Variants in FBXO11 observed in about 807,000 individuals in gnomAD.
FBXO11 encodes F-box only protein 11.
Under a neutral mutation model 117.0 loss-of-function variants are expected in FBXO11, and 13 were observed. The ratio of observed to expected loss-of-function variants is 0.11; its 90% CI spans 0.07 to 0.18. FBXO11 has a LOEUF of 0.18. Ranked by LOEUF, FBXO11 falls within the 10% of genes least tolerant of loss-of-function variation. The pLI, the probability that FBXO11 is intolerant of heterozygous loss-of-function variation, is 1.00. For missense variants in FBXO11, 767 were observed against 1,164.4 expected, an observed-to-expected ratio of 0.66 and a Z score of 4.97; for synonymous variants, 490 against 380.5, an observed-to-expected ratio of 1.29 and a Z score of -3.35.
intron 16 of FBXO11, 131 bp downstream of exon 16, chr2:47,818,648 A>C: frequency 1.5e-6 from 1 of 658,904 alleles, no homozygotes; most frequent in East Asian, 2.7e-5. Flanking sequence ...AGTCAAGATT[A>C]TTTTAAGAAT....
intron 1 of FBXO11, among the ~76,000 whole-genome samples, chr2:47,884,862 C>T (rs1409459977): frequency 6.6e-6 from 1 of 150,494 alleles, no homozygotes; most frequent in Non-Finnish European, 1.5e-5. Context: ...ATTCAGTAAA[C>T]AGAAGTTTAC....
chr2:47,828,977 T>G (rs543263254), intron 11 of FBXO11, among the ~76,000 whole-genome samples: 2 of 148,070 alleles, frequency 1.4e-5, no homozygotes, highest in East Asian at 2.0e-4. Context: ...TGCAGTGGCA[T>G]GATCTTGGGT....
In FBXO11 at chr2:47,832,951, T is replaced by C. The variant is rs1572806802; in HGVS notation, c.1041+13A>G. 3 of 1,606,500 alleles carry C rather than the reference T, an allele frequency of 1.9e-6. No homozygotes were observed. Among genetic ancestry groups the C allele is most frequent in the East Asian group, 4.5e-5 (2 of 44,808 alleles). On this transcript the variant is annotated intron_variant, in intron 8 of 22. Coordinates refer to ENST00000403359, the MANE Select transcript of FBXO11 (RefSeq NM_001190274.2). Reference sequence around the variant, plus strand: ...TGATTTCAATGTGTATTTTAAATCTTAACATGTCTTACCCTTATTGTCATA... The same window carrying C: ...TGATTTCAATGTGTATTTTAAATCTCAACATGTCTTACCCTTATTGTCATA...
rs375409737 is a variant in FBXO11 at position 47,894,080 on chromosome 2, C to T, written c.232+11409G>A. On this transcript the variant is annotated intron_variant, in intron 1 of 22. Transcript: ENST00000403359. ...CAAGTAGTTCCTGATGAACAGAGCC[C>T]TGTCATTCTCAGGGGATACTTGTAT... is the stretch of plus-strand genomic sequence containing the variant. 4.5e-4 allele frequency among the ~76,000 whole-genome samples: 69 copies of T among 152,276 alleles called. 1 individual carries two copies. In the East Asian group the frequency reaches 0.012, roughly 27 times the overall value.
chr2:47,820,885 T>A (rs1005303393), intron 13 of FBXO11, among the ~76,000 whole-genome samples: 4 of 152,224 alleles, frequency 2.6e-5, no homozygotes, highest in Non-Finnish European at 4.4e-5. Context: ...ATGTAAGTAT[T>A]AACCAGGTTA....
chr2:47,862,590 G>A (rs1466338153), intron 1 of FBXO11, among the ~76,000 whole-genome samples: 1 of 152,026 alleles, frequency 6.6e-6, no homozygotes, highest in Non-Finnish European at 1.5e-5. Flanking sequence ...TGGCTAAAAG[G>A]GCAAATGTTT....
chr2:47,905,742 G>C lies in FBXO11; in HGVS notation c.-22C>G. ...TCATTTGCCGGGCTGAGGTGGCGGC[G>C]TTGGCGGAGGGACACACACACGCAC... On this transcript the variant is annotated 5_prime_UTR_variant, in exon 1 of 23. Transcript: ENST00000403359. 1 of 1,515,474 alleles carries C rather than the reference G, an allele frequency of 6.6e-7. No homozygotes were observed. Among genetic ancestry groups the C allele is most frequent in the Non-Finnish European group, 8.8e-7 (1 of 1,134,080 alleles). The allele number at this position is 1,515,474 out of a possible 1,614,324, so 93.9% of individuals were successfully genotyped here. A position where few individuals can be genotyped will look rare whatever the true frequency, so the allele number is the denominator to read the frequency against.
chr2:47,809,110 G>A lies in FBXO11; in HGVS notation c.2555+48C>T, dbSNP rs374268491. The A allele has an allele frequency of 2.4e-4, 294 of 1,218,362 alleles. 1 individual carries two copies. The African/African-American group carries it at 3.9e-3, about 16-fold the overall frequency. 75.5% of individuals were successfully genotyped at this position (1,218,362 alleles called of 1,614,324 possible). A position where few individuals can be genotyped will look rare whatever the true frequency, so the allele number is the denominator to read the frequency against. On this transcript the variant is annotated intron_variant, in intron 21 of 22. Coordinates refer to ENST00000403359, the MANE Select transcript of FBXO11 (RefSeq NM_001190274.2). ...ATGCTAGGCATTGCTAATTTAAAAA[G>A]GAAATCAGTCTTCCTCTTTTCAGGA...
intron 4 of FBXO11, chr2:47,836,910 T>C (rs1672620255): frequency 2.9e-6 from 1 of 340,410 alleles, no homozygotes; most frequent in Non-Finnish European, 5.7e-6. Context: ...TATTTTTTGA[T>C]TTTTTTTTGT....
At chr2:47,809,468 G>A (rs1272051025) in intron 20 of FBXO11, 132 bp downstream of exon 20, 5 of 744,926 alleles carry the variant, frequency 6.7e-6, no homozygotes, top group Non-Finnish European at 1.1e-5. Flanking sequence ...CCAAAGCTCT[G>A]TTTCTTTCAA....
chr2:47,842,207 G>A (rs547452644), intron 1 of FBXO11, among the ~76,000 whole-genome samples: 4 of 151,076 alleles, frequency 2.6e-5, no homozygotes, highest in African/African-American at 9.7e-5. Context: ...ATAGAGACGG[G>A]GTTTCACAAT....
chr2:47,833,099 A>G, intron 7 of FBXO11, 29 bp from the exon 8 acceptor site: 1 of 1,475,154 alleles, frequency 6.8e-7, no homozygotes, highest in Admixed American at 1.7e-5. Context: ...AAAGAATATT[A>G]CCTTTATTCG....
chr2:47,830,796 A>T (rs2104795123), intron 11 of FBXO11, among the ~76,000 whole-genome samples: 1 of 152,236 alleles, frequency 6.6e-6, no homozygotes, highest in East Asian at 1.9e-4. Flanking sequence ...GAGGTCTTTC[A>T]AAAATGATGA....
At position 47,905,664 on chromosome 2, in the gene FBXO11, C is replaced by T. The variant is rs1455672860; in HGVS notation, c.57G>A (p.Pro19=). 1 of 1,499,286 alleles carries T rather than the reference C, an allele frequency of 6.7e-7. No individual in the cohort carries two copies. 92.9% of individuals were successfully genotyped at this position (1,499,286 alleles called of 1,614,324 possible). The part of the protein sequence containing the change: ...RRPRRVSRPR[P]VQQQQQQPPQ... ...GGGGCTGCTGCTGCTGTTGCTGCACCGGGCGCGGCCGCGACACTCGCCTGG... is the reference window on the plus strand; with the variant it reads ...GGGGCTGCTGCTGCTGTTGCTGCACTGGGCGCGGCCGCGACACTCGCCTGG... Residue 19 remains proline (P), a synonymous_variant, in exon 1 of 23, where the codon CCG becomes CCA. Coordinates refer to ENST00000403359, the MANE Select transcript of FBXO11 (RefSeq NM_001190274.2).
At chr2:47,850,920 T>C in intron 1 of FBXO11, among the ~76,000 whole-genome samples, 1 of 152,224 alleles carries the variant, frequency 6.6e-6, no homozygotes, top group East Asian at 1.9e-4. Flanking sequence ...GTTTTTCACG[T>C]TCAATATTTC....
chr2:47,815,840 T>C (rs1341004991), intron 16 of FBXO11, among the ~76,000 whole-genome samples: 1 of 152,216 alleles, frequency 6.6e-6, no homozygotes, highest in African/African-American at 2.4e-5. Context: ...TCACAATATC[T>C]GATCCTCCTG....
chr2:47,853,980 C>A (rs1206475907), intron 1 of FBXO11, among the ~76,000 whole-genome samples: 1 of 152,178 alleles, frequency 6.6e-6, no homozygotes, highest in Non-Finnish European at 1.5e-5. Flanking sequence ...CCACAAATGC[C>A]AAGTGCTGAC....
intron 1 of FBXO11, among the ~76,000 whole-genome samples, chr2:47,903,890 TAC>T (rs1395891641): frequency 4.6e-5 from 7 of 152,180 alleles, no homozygotes; most frequent in African/African-American, 1.7e-4. Flanking sequence ...ATAATGAGAC[TAC>T]AGATTTTTAA....
In FBXO11 at chr2:47,905,602, G is replaced by A; in HGVS notation, c.119C>T (p.Pro40Leu). Residue 40 changes from proline to leucine, a missense_variant, in exon 1 of 23, where the codon CCG becomes CTG. Physicochemically the swap from Pro to Leu is moderately conservative, Grantham distance 98. This residue lies in a region of FBXO11 where 355 missense variants were observed against 299.8 expected (regional missense o/e 1.18). Coordinates refer to ENST00000403359, the MANE Select transcript of FBXO11 (RefSeq NM_001190274.2). ...CGGCGGCGGAGGCTGCTGCTGGGGC[G>A]GCTGCTGCTGGGGCGGCTGCGGCGG... ...QPPPQPPQQQ[P>L]PQQQPPPPPQ... 7.7e-7 allele frequency: 1 copy of A among 1,303,738 alleles called. No individual in the cohort carries two copies. The highest frequency in any genetic ancestry group is 3.1e-5 in the East Asian group (1 of 31,878). The allele number at this position is 1,303,738 out of a possible 1,614,324, so 80.8% of individuals were successfully genotyped here.
Sources: allele counts gnomAD v4.1 joint callset (sites outside exome capture counted in the v4.1 genomes callset), GRCh38; gene constraint gnomAD v4.1.1; regional missense constraint gnomAD v4.1.1; transcripts MANE v1.5; gene names NCBI Gene and HGNC (gene_info 2026-07-23, HGNC 2026-07-21).